The following CMPK1 variants were observed in gnomAD, a reference collection of about 807,000 sequenced individuals.
The protein encoded by CMPK1 is UMP-CMP kinase.
In CMPK1, 10 loss-of-function variants were observed where a neutral mutation model predicts 25.7. The ratio of observed to expected loss-of-function variants is 0.39; its 90% CI spans 0.24 to 0.66. The LOEUF (loss-of-function observed/expected upper bound fraction) is 0.66. CMPK1 is among the 30% of genes least tolerant of loss of function. CMPK1 has a pLI of 0.48. For missense variants in CMPK1, 199 were observed against 280.5 expected, an observed-to-expected ratio of 0.71 and a Z score of 2.08; for synonymous variants, 106 against 101.5, an observed-to-expected ratio of 1.04 and a Z score of -0.27.
At chr1:47,358,732 T>C in intron 1 of CMPK1, 1 of 985,078 alleles carries the variant, frequency 1.0e-6, no homozygotes, top group Non-Finnish European at 1.2e-6. Context: ...TTTCTCCAAA[T>C]TTATTTCCCC....
intron 1 of CMPK1, among the ~76,000 whole-genome samples, chr1:47,342,652 T>TTC (rs1553187743): frequency 6.3e-5 from 9 of 143,090 alleles, no homozygotes; most frequent in African/African-American, 1.5e-4. Context: ...CTTTTTTCTT[T>TTC]TTTTTTTTTT....
At chr1:47,334,431 G>A (rs1646380945) in intron 1 of CMPK1, among the ~76,000 whole-genome samples, 2 of 152,222 alleles carry the variant, frequency 1.3e-5, no homozygotes, top group Admixed American at 1.3e-4. Flanking sequence ...CCAACCTTTG[G>A]GGGTCCCCCA....
chr1:47,365,107 G>C (rs1219642198), intron 1 of CMPK1, among the ~76,000 whole-genome samples: 1 of 152,000 alleles, frequency 6.6e-6, no homozygotes, highest in Non-Finnish European at 1.5e-5. Flanking sequence ...AAATACATTT[G>C]TATTTAATAT....
At chr1:47,347,106 C>T (rs537939807) in intron 1 of CMPK1, among the ~76,000 whole-genome samples, 7 of 151,462 alleles carry the variant, frequency 4.6e-5, no homozygotes, top group African/African-American at 1.7e-4. Flanking sequence ...TATTTTCTTT[C>T]TTTCCCTTCC....
chr1:47,376,995 A>G lies in CMPK1; in HGVS notation c.*250A>G. ...CGAAGGGTATCAGCTATTTTTTTTA[A>G]AATTCAAAAAGAATATCCCTTTTAT... On this transcript the variant is annotated 3_prime_UTR_variant, in exon 6 of 6. Transcript: ENST00000371873. 3.3e-6 allele frequency: 1 copy of G among 299,718 alleles called. No homozygotes were observed. The highest frequency in any genetic ancestry group is 6.1e-6 in the Non-Finnish European group (1 of 162,838). 18.6% of individuals were successfully genotyped at this position (299,718 alleles called of 1,614,324 possible).
Position 47,368,470 on chromosome 1 carries a change from A to G in CMPK1, c.173A>G (p.Lys58Arg). 6.3e-7 allele frequency: 1 copy of G among 1,597,574 alleles called. No homozygotes were observed. Among genetic ancestry groups the G allele is most frequent in the Non-Finnish European group, 8.5e-7 (1 of 1,172,782 alleles). Residue 58 changes from lysine (K) to arginine (R), a missense_variant and splice_region_variant, in exon 2 of 6, where the codon AAA becomes AGA. By Grantham distance (26) the Lys-to-Arg change is conservative. Coordinates refer to ENST00000371873, the MANE Select transcript of CMPK1 (RefSeq NM_016308.3). Reference protein sequence around the residue: ...KGTQCARIVEKYGYTHLSAGE... With the variant: ...KGTQCARIVERYGYTHLSAGE... The stretch of plus-strand genomic sequence containing the variant: ...TTTTCCTATGTGTGCTTCTTTCAGA[A>G]ATATGGCTACACACACCTTTCTGCA...
intron 1 of CMPK1, among the ~76,000 whole-genome samples, chr1:47,361,374 G>A (rs1646600328): frequency 1.3e-5 from 2 of 152,158 alleles, no homozygotes; most frequent in Non-Finnish European, 2.9e-5. Flanking sequence ...GGGCGACAGA[G>A]CAAGACTCTA....
At chr1:47,342,459 GATA>G (rs1216332650) in intron 1 of CMPK1, among the ~76,000 whole-genome samples, 3 of 152,052 alleles carry the variant, frequency 2.0e-5, no homozygotes, top group African/African-American at 7.2e-5. Context: ...CCTCACAGAT[GATA>G]ATGTTTACCA....
chr1:47,339,950 C>G (rs183520920), intron 1 of CMPK1, among the ~76,000 whole-genome samples: 20 of 151,950 alleles, frequency 1.3e-4, no homozygotes, highest in Non-Finnish European at 2.5e-4. Flanking sequence ...TCAGGTGATC[C>G]GCCTGCCTCA....
chr1:47,361,442 C>T lies in CMPK1; in HGVS notation c.172-7027C>T, dbSNP rs193256676. Among the ~76,000 whole-genome samples, 72 of 152,166 alleles carry T rather than the reference C, an allele frequency of 4.7e-4. 2 individuals carry two copies. The highest frequency in any genetic ancestry group is 4.6e-3 in the Admixed American group (70 of 15,262). ...GGAATTTGGCTCTTTAGGTCAAAGG[C>T]GAACTATAGGACACAAAGACAAGTT... On this transcript the variant is annotated intron_variant, in intron 1 of 5. Coordinates refer to ENST00000371873, the MANE Select transcript of CMPK1 (RefSeq NM_016308.3).
chr1:47,340,465 T>G (rs966206935), intron 1 of CMPK1, among the ~76,000 whole-genome samples: 4 of 152,112 alleles, frequency 2.6e-5, no homozygotes, highest in Non-Finnish European at 5.9e-5. Context: ...TGTAACACTT[T>G]TGTTTACTCT....
chr1:47,339,923 G>T (rs1478581293), intron 1 of CMPK1, among the ~76,000 whole-genome samples: 6 of 151,700 alleles, frequency 4.0e-5, no homozygotes, highest in Non-Finnish European at 8.8e-5. Flanking sequence ...GGCCAGGCTG[G>T]TCTCAAACTC....
At chr1:47,364,891 T>A (rs1557429257) in intron 1 of CMPK1, among the ~76,000 whole-genome samples, 1 of 151,980 alleles carries the variant, frequency 6.6e-6, no homozygotes, top group Non-Finnish European at 1.5e-5. Context: ...AACTCCTAAG[T>A]AGCTGGGACT....
intron 1 of CMPK1, among the ~76,000 whole-genome samples, chr1:47,344,713 GGTC>G (rs1421056677): frequency 1.3e-5 from 2 of 151,912 alleles, no homozygotes; most frequent in African/African-American, 4.8e-5. Flanking sequence ...TGGCCAGGCT[GGTC>G]TCGAACTCCT....
chr1:47,359,226 A>G (rs1354912634), intron 1 of CMPK1, among the ~76,000 whole-genome samples: 7 of 151,720 alleles, frequency 4.6e-5, no homozygotes, highest in Non-Finnish European at 8.8e-5. Flanking sequence ...CTGAGGCAGG[A>G]GAATGGCGTG....
chr1:47,347,202 T>G, intron 1 of CMPK1, among the ~76,000 whole-genome samples: 1 of 149,568 alleles, frequency 6.7e-6, no homozygotes, highest in Admixed American at 6.7e-5. Flanking sequence ...CTTCTTTCCT[T>G]TTTTCCTTCC....
intron 2 of CMPK1, among the ~76,000 whole-genome samples, chr1:47,370,782 CAAAAAAAAA>C (rs60407679): frequency 8.6e-6 from 1 of 116,422 alleles, no homozygotes; most frequent in African/African-American, 3.5e-5. Flanking sequence ...ACTAAAAATA[CAAAAAAAAA>C]AAAAAAAAAA....
intron 2 of CMPK1, 36 bp downstream of exon 2, chr1:47,368,651 G>A: frequency 4.1e-6 from 6 of 1,464,534 alleles, no homozygotes; most frequent in African/African-American, 1.4e-5. Flanking sequence ...TCAAACCAGC[G>A]AGGAAAGAAG....
Position 47,375,906 on chromosome 1 carries a change from A to T in CMPK1, c.645+613A>T, listed in dbSNP as rs888327854. Among the ~76,000 whole-genome samples, 83 of 152,210 alleles carry T rather than the reference A, an allele frequency of 5.5e-4. 1 individual carries two copies. The highest frequency in any genetic ancestry group is 5.4e-3 in the Admixed American group (83 of 15,284). ...GAATCTTCATCCTCTTATAGTCATA[A>T]GATAAAAAAGAAAGGCCCAGGGGAA... On this transcript the variant is annotated intron_variant, in intron 5 of 5. Coordinates refer to ENST00000371873, the MANE Select transcript of CMPK1 (RefSeq NM_016308.3).
Sources: allele counts gnomAD v4.1 joint callset (sites outside exome capture counted in the v4.1 genomes callset), GRCh38; gene constraint gnomAD v4.1.1; transcripts MANE v1.5; gene names NCBI Gene and HGNC (gene_info 2026-07-23, HGNC 2026-07-21).